Variants in RPRD1B observed in about 807,000 individuals in gnomAD.
The protein encoded by RPRD1B is regulation of nuclear pre-mRNA domain containing 1B, also known as regulation of nuclear pre-mRNA domain-containing protein 1B.
A neutral mutation model predicts 41.5 loss-of-function variants in RPRD1B; 11 were observed. The ratio of observed to expected loss-of-function variants is 0.27; its 90% CI spans 0.17 to 0.44. The LOEUF (loss-of-function observed/expected upper bound fraction) is 0.44. Ranked by LOEUF, RPRD1B falls within the 20% of genes least tolerant of loss-of-function variation. The pLI is 1.00. For missense variants in RPRD1B, 248 were observed against 389.9 expected (o/e 0.64, Z 3.06); for synonymous variants, 158 against 155.6 (o/e 1.02, Z -0.12).
intron 2 of RPRD1B, among the ~76,000 whole-genome samples, chr20:38,046,633 A>G (rs1193959769): frequency 6.6e-6 from 1 of 152,218 alleles, no homozygotes; most frequent in East Asian, 1.9e-4. Context: ...GTAACTAAAC[A>G]TACCCCTGAA....
intron 6 of RPRD1B, among the ~76,000 whole-genome samples, chr20:38,084,701 C>A (rs936256230): frequency 6.6e-6 from 1 of 152,168 alleles, no homozygotes; most frequent in Non-Finnish European, 1.5e-5. Flanking sequence ...TCAGCTGGAT[C>A]CACAGGAAGC....
chr20:38,084,180 C>A (rs902535955), intron 6 of RPRD1B, among the ~76,000 whole-genome samples: 5 of 152,016 alleles, frequency 3.3e-5, no homozygotes, highest in Non-Finnish European at 7.4e-5. Flanking sequence ...GGTCAGCTTC[C>A]CCTTTGGGCT....
intron 1 of RPRD1B, 90 bp downstream of exon 1, chr20:38,034,188 C>T (rs930768135): frequency 2.2e-6 from 3 of 1,391,736 alleles, no homozygotes; most frequent in Admixed American, 2.3e-5. Flanking sequence ...CTTCATTGAG[C>T]CTTGCTTTCC....
At chr20:38,076,280 A>G (rs543232023) in intron 6 of RPRD1B, among the ~76,000 whole-genome samples, 5 of 152,108 alleles carry the variant, frequency 3.3e-5, no homozygotes, top group Admixed American at 2.0e-4. Context: ...CCAGCGTTTT[A>G]TCTTTGATGT....
intron 6 of RPRD1B, among the ~76,000 whole-genome samples, chr20:38,088,555 T>A (rs951879970): frequency 6.6e-6 from 1 of 152,170 alleles, no homozygotes; most frequent in Non-Finnish European, 1.5e-5. Flanking sequence ...GCAGAGACAC[T>A]GAGAGGACAA....
chr20:38,038,485 G>GT (rs2074027015), intron 1 of RPRD1B, among the ~76,000 whole-genome samples: 8 of 83,118 alleles, frequency 9.6e-5, no homozygotes, highest in East Asian at 3.4e-4. Flanking sequence ...GATTTTTTTT[G>GT]TTTTGTTTTT....
At position 38,037,566 on chromosome 20, in the gene RPRD1B, G is replaced by A. The variant is rs11906055; in HGVS notation, c.152-2869G>A. On this transcript the variant is annotated intron_variant, in intron 1 of 6. Transcript: ENST00000373433. ...TGTCCCCCAGGATTGGGATGGAGGGGTGTGCATGTTGTGTGTATTGTGACT... is the reference window on the plus strand; with the variant it reads ...TGTCCCCCAGGATTGGGATGGAGGGATGTGCATGTTGTGTGTATTGTGACT... Among the ~76,000 whole-genome samples the A allele has an allele frequency of 2.0e-5, 3 of 152,222 alleles. No individual in the cohort carries two copies. In the East Asian group the frequency reaches 5.8e-4, roughly 29 times the overall value.
intron 5 of RPRD1B, among the ~76,000 whole-genome samples, chr20:38,061,782 G>A (rs2074300180): frequency 6.6e-6 from 1 of 152,134 alleles, no homozygotes. Flanking sequence ...CACCCCAGTA[G>A]TATTTGGCCC....
intron 6 of RPRD1B, among the ~76,000 whole-genome samples, chr20:38,084,740 TG>T (rs1300957471): frequency 3.9e-5 from 6 of 152,250 alleles, no homozygotes; most frequent in South Asian, 4.1e-4. Flanking sequence ...CATTTTCTCC[TG>T]TAAGTTTAGA....
intron 3 of RPRD1B, chr20:38,048,700 C>T (rs2074147006): frequency 1.5e-5 from 9 of 589,648 alleles, no homozygotes; most frequent in South Asian, 7.5e-5. Context: ...CTGACTTTTG[C>T]TCTCTGTTCT....
At position 38,049,907 on chromosome 20, in the gene RPRD1B, C is replaced by T. The variant is rs116880576; in HGVS notation, c.415+1426C>T. On this transcript the variant is annotated intron_variant, in intron 3 of 6. Coordinates refer to ENST00000373433, the MANE Select transcript of RPRD1B (RefSeq NM_021215.4). ...TCCTCACTTACACTGTATTCTTTGG[C>T]CAAACTGAATTGCCGACAGTTTACC... The T allele has an allele frequency of 2.0e-3, 949 of 463,882 alleles. 2 individuals are homozygous for T. The highest frequency in any genetic ancestry group is 3.1e-3 in the Non-Finnish European group (703 of 223,468). The allele number at this position is 463,882 out of a possible 1,614,324, so 28.7% of individuals were successfully genotyped here.
At chr20:38,084,165 G>T (rs2074539846) in intron 6 of RPRD1B, among the ~76,000 whole-genome samples, 1 of 152,134 alleles carries the variant, frequency 6.6e-6, no homozygotes, top group South Asian at 2.1e-4. Context: ...TATTGGTGGG[G>T]TGTGGGTCAG....
At chr20:38,036,417 A>G (rs1482546990) in intron 1 of RPRD1B, among the ~76,000 whole-genome samples, 1 of 152,208 alleles carries the variant, frequency 6.6e-6, no homozygotes, top group Non-Finnish European at 1.5e-5. Context: ...ATTTATTAGA[A>G]TTAATGAGTG....
At position 38,076,906 on chromosome 20, in the gene RPRD1B, C is replaced by CTTTTTTTTTTTTTTTTTTTTTTTTTTTT. The variant is rs573460686; in HGVS notation, c.831+10653_831+10680dup. ...CCTTTAGCCTTTTCTCATTCTGGAC[C>CTTTTTTTTTTTTTTTTTTTTTTTTTTTT]TTTTTTTTTTTTTTTTTTTTTTTTT... On this transcript the variant is annotated intron_variant, in intron 6 of 6. Coordinates refer to ENST00000373433, the MANE Select transcript of RPRD1B (RefSeq NM_021215.4). Among the ~76,000 whole-genome samples the CTTTTTTTTTTTTTTTTTTTTTTTTTTTT allele has an allele frequency of 9.4e-5, 6 of 63,510 alleles. 2 individuals carry two copies. The highest frequency in any genetic ancestry group is 1.8e-4 in the Admixed American group (1 of 5,690). The allele number at this position is 63,510 out of a possible 152,430, so 41.7% of individuals were successfully genotyped here. A position where few individuals can be genotyped will look rare whatever the true frequency, so the allele number is the denominator to read the frequency against.
At chr20:38,089,659 C>T (rs2074595156) in intron 6 of RPRD1B, 67 bp from the exon 7 acceptor site, 2 of 1,349,136 alleles carry the variant, frequency 1.5e-6, no homozygotes, top group Admixed American at 3.6e-5. Context: ...AGCTGCCCGG[C>T]TCCAGCAGCA....
At chr20:38,042,303 A>G (rs2074074493) in intron 2 of RPRD1B, among the ~76,000 whole-genome samples, 1 of 152,166 alleles carries the variant, frequency 6.6e-6, no homozygotes, top group Non-Finnish European at 1.5e-5. Flanking sequence ...GTAGTGAGCT[A>G]TAATCATACC....
intron 2 of RPRD1B, among the ~76,000 whole-genome samples, chr20:38,042,877 C>CT (rs11086429): frequency 0.27 from 40,693 of 152,096 alleles, 7,372 homozygotes; most frequent in African/African-American, 0.52. Context: ...AAAAAAAACT[C>CT]TCAAGTCAGA....
chr20:38,090,805 AC>A lies in RPRD1B; in HGVS notation c.*931del, dbSNP rs1339245832. ...TCTTCTGGGAGTAGGGTACACACTA[AC>A]GTTTAATCCGCTGTCTGGGTGCATG... On this transcript the variant is annotated 3_prime_UTR_variant, in exon 7 of 7. Coordinates refer to ENST00000373433, the MANE Select transcript of RPRD1B (RefSeq NM_021215.4). 1.0e-6 allele frequency: 1 copy of A among 985,330 alleles called. No individual in the cohort carries two copies. Among genetic ancestry groups the A allele is most frequent in the Non-Finnish European group, 1.2e-6 (1 of 829,938 alleles). 61.0% of individuals were successfully genotyped at this position (985,330 alleles called of 1,614,324 possible).
At chr20:38,042,032 A>C (rs1392138138) in intron 2 of RPRD1B, among the ~76,000 whole-genome samples, 1 of 152,168 alleles carries the variant, frequency 6.6e-6, no homozygotes, top group African/African-American at 2.4e-5. Flanking sequence ...GTAGGCGTTC[A>C]GTAAATATTT....
Sources: allele counts gnomAD v4.1 joint callset (sites outside exome capture counted in the v4.1 genomes callset), GRCh38; gene constraint gnomAD v4.1.1; transcripts MANE v1.5; gene names NCBI Gene and HGNC (gene_info 2026-07-23, HGNC 2026-07-21).